ADAMTS18: variants seen among roughly 807,000 people sequenced by gnomAD.
ADAMTS18 encodes ADAM metallopeptidase with thrombospondin type 1 motif 18, also known as A disintegrin and metalloproteinase with thrombospondin motifs 18.
In ADAMTS18, 157 loss-of-function variants were observed where a neutral mutation model predicts 165.9. That is an observed-to-expected ratio of 0.95 (90% CI 0.83 to 1.08). ADAMTS18 has a LOEUF of 1.08. Ranked by LOEUF, ADAMTS18 falls within the 50% of genes least tolerant of loss-of-function variation. The pLI, the probability that ADAMTS18 is intolerant of heterozygous loss-of-function variation, is 0.00. For synonymous variants in ADAMTS18, 782 were observed against 578.2 expected (o/e 1.35, Z -5.06); for missense variants, 2,040 against 1,534.0 (o/e 1.33, Z -5.51).
intron 17 of ADAMTS18, chr16:77,300,027 A>G: frequency 2.1e-6 from 1 of 477,650 alleles, no homozygotes. Context: ...CATAAGTTTT[A>G]GATGTGTAAC....
At chr16:77,285,914 G>GAGAC (rs1419270079) in intron 22 of ADAMTS18, among the ~76,000 whole-genome samples, 2 of 152,096 alleles carry the variant, frequency 1.3e-5, no homozygotes, top group African/African-American at 4.8e-5. Flanking sequence ...TGTTCTACTC[G>GAGAC]AGACAACCTG....
At chr16:77,411,972 GCCA>G (rs2057470617) in intron 3 of ADAMTS18, among the ~76,000 whole-genome samples, 1 of 151,978 alleles carries the variant, frequency 6.6e-6, no homozygotes, top group Non-Finnish European at 1.5e-5. Context: ...ACAGGCAGGA[GCCA>G]CCGAGCCCAG....
intron 3 of ADAMTS18, among the ~76,000 whole-genome samples, chr16:77,404,797 T>A (rs1261042000): frequency 6.6e-6 from 1 of 152,154 alleles, no homozygotes; most frequent in African/African-American, 2.4e-5. Flanking sequence ...AATCACTCTC[T>A]ATCCTCAAGA....
chr16:77,386,218 T>C (rs565154965), intron 3 of ADAMTS18, among the ~76,000 whole-genome samples: 8 of 152,314 alleles, frequency 5.3e-5, no homozygotes, highest in Admixed American at 4.6e-4. Flanking sequence ...TGCTGCATAT[T>C]GTCAGAGCCC....
At chr16:77,335,733 C>T in intron 12 of ADAMTS18, 23 bp downstream of exon 12, 4 of 1,614,148 alleles carry the variant, frequency 2.5e-6, no homozygotes, top group Non-Finnish European at 3.4e-6. Context: ...CTTGCAAAGA[C>T]TAACTTTCTG....
chr16:77,292,096 A>G (rs994789810), intron 20 of ADAMTS18, among the ~76,000 whole-genome samples: 12 of 152,180 alleles, frequency 7.9e-5, no homozygotes, highest in African/African-American at 2.9e-4. Flanking sequence ...ACTTGAGCCC[A>G]GGAGTTCAAG....
intron 17 of ADAMTS18, 136 bp downstream of exon 17, chr16:77,300,127 C>T (rs2055552208): frequency 2.9e-6 from 3 of 1,047,890 alleles, no homozygotes; most frequent in East Asian, 2.6e-5. Context: ...ATAATATTTG[C>T]TTTTATGGTG....
Position 77,431,469 on chromosome 16 carries a change from T to A in ADAMTS18, c.321A>T (p.Glu107Asp). 1.2e-6 allele frequency: 2 copies of A among 1,614,208 alleles called. No homozygotes were observed. The highest frequency in any genetic ancestry group is 1.7e-6 in the Non-Finnish European group (2 of 1,180,042). Residue 107 changes from glutamate (E) to aspartate (D), a missense_variant, in exon 3 of 23, where the codon GAA becomes GAT. By Grantham distance (45) the Glu-to-Asp change is conservative. Coordinates refer to ENST00000282849, the MANE Select transcript of ADAMTS18 (RefSeq NM_199355.4). Reference protein sequence around the residue: ...LHYRFSAFGQELHLELKPSAI... With the variant: ...LHYRFSAFGQDLHLELKPSAI... ...CCGAGGGCTTAAGTTCTAAGTGCAG[T>A]TCCTGTCCAAATGCTGAAAATCGGT...
chr16:77,363,801 C>A lies in ADAMTS18; in HGVS notation c.1056+1G>T. 1 of 1,613,698 alleles carries A rather than the reference C, an allele frequency of 6.2e-7. No homozygotes were observed. The highest frequency in any genetic ancestry group is 2.2e-5 in the East Asian group (1 of 44,814). On this transcript the variant is annotated splice_donor_variant, in intron 6 of 22. Transcript: ENST00000282849. LOFTEE classifies it high-confidence loss of function. ...AGACATAAATGAAGTTTGCCACTTACAGGTTCTTGTTCCAGAAGAATTAGG... is the reference window on the plus strand; with the variant it reads ...AGACATAAATGAAGTTTGCCACTTAAAGGTTCTTGTTCCAGAAGAATTAGG...
chr16:77,378,823 T>C (rs1218358602), intron 3 of ADAMTS18: 3 of 152,206 alleles, frequency 2.0e-5, no homozygotes, highest in African/African-American at 7.2e-5. Context: ...TTTGACTATT[T>C]GAGGGAACAA....
intron 12 of ADAMTS18, among the ~76,000 whole-genome samples, chr16:77,333,483 A>G (rs1201391122): frequency 7.2e-6 from 1 of 138,440 alleles, no homozygotes; most frequent in Non-Finnish European, 1.5e-5. Flanking sequence ...ATAATGAAAA[A>G]AGAAATACCA....
intron 13 of ADAMTS18, 64 bp downstream of exon 13, chr16:77,325,802 G>C: frequency 2.0e-6 from 3 of 1,504,142 alleles, no homozygotes; most frequent in Admixed American, 3.5e-5. Context: ...AATTTCTTCT[G>C]TATTGGTCAA....
intron 2 of ADAMTS18, among the ~76,000 whole-genome samples, chr16:77,432,873 A>C (rs1382915987): frequency 6.6e-6 from 1 of 152,100 alleles, no homozygotes; most frequent in Non-Finnish European, 1.5e-5. Context: ...TCCACAATAG[A>C]CAATAATTTT....
At chr16:77,294,269 T>C (rs754969387) in intron 19 of ADAMTS18, among the ~76,000 whole-genome samples, 31 of 152,110 alleles carry the variant, frequency 2.0e-4, no homozygotes, top group Non-Finnish European at 4.1e-4. Context: ...AGATAATTCT[T>C]TGTGGTGAGG....
chr16:77,357,617 G>T (rs1414254794), intron 8 of ADAMTS18, among the ~76,000 whole-genome samples: 1 of 152,206 alleles, frequency 6.6e-6, no homozygotes, highest in Non-Finnish European at 1.5e-5. Context: ...TAGAGGAAAA[G>T]AACTTACTTA....
At position 77,435,031 on chromosome 16, in the gene ADAMTS18, GTC is replaced by G. The variant is rs1476042953; in HGVS notation, c.-338_-337del. ...TGCGTCTGTCTGTGTCGGTGTGAGC[GTC>G]TGAGGCGATGGGGAAGACAGCGCCA... On this transcript the variant is annotated 5_prime_UTR_variant, in exon 1 of 23. Transcript: ENST00000282849. 2.0e-5 allele frequency: 4 copies of G among 198,016 alleles called. No individual in the cohort carries two copies. Among genetic ancestry groups the G allele is most frequent in the Non-Finnish European group, 4.1e-5 (4 of 98,350 alleles). 12.3% of individuals were successfully genotyped at this position (198,016 alleles called of 1,614,324 possible). A position where few individuals can be genotyped will look rare whatever the true frequency, so the allele number is the denominator to read the frequency against.
intron 11 of ADAMTS18, among the ~76,000 whole-genome samples, chr16:77,340,341 A>T (rs1311456478): frequency 6.6e-6 from 1 of 151,884 alleles, no homozygotes; most frequent in African/African-American, 2.4e-5. Flanking sequence ...CGCCCAGCAA[A>T]TTTTTGTATT....
intron 3 of ADAMTS18, among the ~76,000 whole-genome samples, chr16:77,411,674 AG>A (rs2057465001): frequency 8.0e-6 from 1 of 125,382 alleles, no homozygotes; most frequent in Non-Finnish European, 1.7e-5. Flanking sequence ...CAGAGTATCC[AG>A]AATTTTTTTT....
chr16:77,315,013 T>A (rs895763913), intron 16 of ADAMTS18, among the ~76,000 whole-genome samples: 2 of 151,544 alleles, frequency 1.3e-5, no homozygotes, highest in African/African-American at 2.4e-5. Flanking sequence ...TCAGCCATTC[T>A]GTGTGTAGAA....
Sources: allele counts gnomAD v4.1 joint callset (sites outside exome capture counted in the v4.1 genomes callset), GRCh38; gene constraint gnomAD v4.1.1; transcripts MANE v1.5; gene names NCBI Gene and HGNC (gene_info 2026-07-23, HGNC 2026-07-21).